CEP63: variants seen among roughly 807,000 people sequenced by gnomAD.
The protein encoded by CEP63 is centrosomal protein of 63 kDa.
A neutral mutation model predicts 89.1 loss-of-function variants in CEP63; 84 were observed. The observed-to-expected ratio is 0.94, with a 90% CI of 0.79 to 1.13. The LOEUF (loss-of-function observed/expected upper bound fraction) is 1.13, where lower values mean the gene tolerates loss of function less well. CEP63 is among the 50% of genes most tolerant of loss of function. The probability of loss-of-function intolerance (pLI) is 0.00; values close to 1 mark genes in which losing one functional copy is unlikely to be tolerated. For missense variants in CEP63, 838 were observed against 813.3 expected, an observed-to-expected ratio of 1.03 and a Z score of -0.37; for synonymous variants, 267 against 272.5, an observed-to-expected ratio of 0.98 and a Z score of 0.20.
chr3:134,629,805 G>A, the CEP63 span: 63 of 701,636 alleles, frequency 9.0e-5, 1 homozygote, highest in African/African-American at 9.4e-4. Context: ...ACTTTCTTTT[G>A]TGTGTACAAA....
the CEP63 span, among the ~76,000 whole-genome samples, chr3:134,707,899 T>C: frequency 2.6e-5 from 4 of 152,098 alleles, no homozygotes; most frequent in Non-Finnish European, 4.4e-5. Context: ...TGGAAAGGGC[T>C]GTCCCCAAAA....
At chr3:134,778,995 G>A in the CEP63 span, among the ~76,000 whole-genome samples, 1 of 152,146 alleles carries the variant, frequency 6.6e-6, no homozygotes, top group Non-Finnish European at 1.5e-5. Context: ...AGCTTTTGAA[G>A]ATAACTTCCA....
the CEP63 span, among the ~76,000 whole-genome samples, chr3:134,623,242 G>A: frequency 6.6e-6 from 1 of 152,162 alleles, no homozygotes; most frequent in Non-Finnish European, 1.5e-5. Flanking sequence ...TGGCTTCCTG[G>A]CACTGTTCTC....
chr3:134,541,937 T>C (rs1276186192), intron 6 of CEP63, among the ~76,000 whole-genome samples: 2 of 152,170 alleles, frequency 1.3e-5, no homozygotes, highest in Non-Finnish European at 2.9e-5. Flanking sequence ...CGTGGTTATA[T>C]AGTATAGGAA....
chr3:134,610,007 C>G, the CEP63 span, among the ~76,000 whole-genome samples: 1 of 152,052 alleles, frequency 6.6e-6, no homozygotes, highest in Non-Finnish European at 1.5e-5. Context: ...GGTGAGGTGA[C>G]AAAAGGGTCT....
intron 10 of CEP63, among the ~76,000 whole-genome samples, 162 bp from the exon 11 acceptor site, chr3:134,549,901 G>A (rs1954430925): frequency 6.6e-6 from 1 of 152,184 alleles, no homozygotes; most frequent in Non-Finnish European, 1.5e-5. Context: ...CTTCAGTACA[G>A]ATATGCAACT....
intron 13 of CEP63, among the ~76,000 whole-genome samples, chr3:134,558,692 CA>C (rs537081019): frequency 6.8e-4 from 104 of 152,226 alleles, no homozygotes; most frequent in African/African-American, 2.4e-3. Context: ...TCTTTTTAGT[CA>C]ATTTGTTATA....
At chr3:134,486,016 G>T (rs954281761), upstream of CEP63, 1 of 948,316 alleles carries the variant, frequency 1.1e-6, no homozygotes, top group African/African-American at 2.0e-5. Flanking sequence ...CCCGCATCAC[G>T]TGTCTGCACT....
the CEP63 span, chr3:134,625,018 A>G: frequency 6.4e-7 from 1 of 1,555,360 alleles, no homozygotes; most frequent in Non-Finnish European, 8.7e-7. Flanking sequence ...AGCCACCTTG[A>G]AGGGGCCCAT....
At chr3:134,646,041 C>T in the CEP63 span, among the ~76,000 whole-genome samples, 1 of 152,220 alleles carries the variant, frequency 6.6e-6, no homozygotes. Context: ...GGATGCTGTG[C>T]TTCTTTGTTT....
chr3:134,751,209 T>C, the CEP63 span, among the ~76,000 whole-genome samples: 34 of 152,368 alleles, frequency 2.2e-4, no homozygotes, highest in East Asian at 3.9e-4. Context: ...ATCCATGTTG[T>C]AGAATGTACT....
the CEP63 span, among the ~76,000 whole-genome samples, chr3:134,755,248 AGC>A: frequency 6.6e-6 from 1 of 151,780 alleles, no homozygotes; most frequent in Non-Finnish European, 1.5e-5. Flanking sequence ...CTGAGCCCTG[AGC>A]CCTGAGCCCT....
In CEP63 at chr3:134,552,092, G is replaced by A. The variant is rs556478746; in HGVS notation, c.1467+80G>A. On this transcript the variant is annotated intron_variant, in intron 12 of 14. Transcript: ENST00000675561. ...TTTGTAAATATTTACATTATAAAGAGAGAATTAAGATCAACTTAGATCCTT... is the reference window on the plus strand; with the variant it reads ...TTTGTAAATATTTACATTATAAAGAAAGAATTAAGATCAACTTAGATCCTT... 9.5e-4 allele frequency: 733 copies of A among 774,302 alleles called. 9 individuals carry two copies. The South Asian group carries it at 0.011, about 11-fold the overall frequency. 48.0% of individuals were successfully genotyped at this position (774,302 alleles called of 1,614,324 possible). A position where few individuals can be genotyped will look rare whatever the true frequency, so the allele number is the denominator to read the frequency against.
chr3:134,636,236 C>T, the CEP63 span, among the ~76,000 whole-genome samples: 43,121 of 152,060 alleles, frequency 0.28, 7,747 homozygotes, highest in East Asian at 0.65. Flanking sequence ...ATGATTTTAT[C>T]AATCTATGAT....
the CEP63 span, among the ~76,000 whole-genome samples, chr3:134,778,885 C>T: frequency 6.6e-6 from 1 of 152,180 alleles, no homozygotes; most frequent in African/African-American, 2.4e-5. Flanking sequence ...ATTTGCTAGA[C>T]TGAACACCTT....
the CEP63 span, among the ~76,000 whole-genome samples, chr3:134,741,328 T>C: frequency 6.6e-6 from 1 of 152,212 alleles, no homozygotes; most frequent in East Asian, 1.9e-4. Context: ...TCTGAAGATC[T>C]GACAGCTGAT....
the CEP63 span, among the ~76,000 whole-genome samples, chr3:134,618,827 C>T: frequency 2.0e-5 from 3 of 152,182 alleles, no homozygotes; most frequent in South Asian, 4.1e-4. Context: ...ACTGTCCTCC[C>T]GCTCCCAGGC....
chr3:134,626,157 A>G, the CEP63 span, among the ~76,000 whole-genome samples: 1 of 152,226 alleles, frequency 6.6e-6, no homozygotes, highest in African/African-American at 2.4e-5. Flanking sequence ...GGGGGTGGGA[A>G]GAAGTTGGGA....
chr3:134,591,737 C>T (rs142327043), downstream of CEP63, among the ~76,000 whole-genome samples: 213 of 151,378 alleles, frequency 1.4e-3, no homozygotes, highest in African/African-American at 4.9e-3. Context: ...AAAAATTGGT[C>T]GGGTGTGGTG....
Sources: allele counts gnomAD v4.1 joint callset (sites outside exome capture counted in the v4.1 genomes callset), GRCh38; gene constraint gnomAD v4.1.1; transcripts MANE v1.5; gene names NCBI Gene and HGNC (gene_info 2026-07-23, HGNC 2026-07-21).